REV1: variants seen among roughly 807,000 people sequenced by gnomAD.
REV1 encodes REV1 DNA directed polymerase.
REV1 carries 42 observed loss-of-function variants against 137.4 expected under a neutral mutation model. That is an observed-to-expected ratio of 0.31 (90% CI 0.24 to 0.40). The LOEUF is 0.40. Among genes scored for constraint, REV1 ranks in the 10% least tolerant of loss-of-function variants. The pLI, the probability that REV1 is intolerant of heterozygous loss-of-function variation, is 1.00. For missense variants in REV1, 1,282 were observed against 1,490.1 expected (o/e 0.86, Z 2.30); for synonymous variants, 524 against 519.2 (o/e 1.01, Z -0.12).
At chr2:99,424,472 T>C (rs1679081179) in intron 9 of REV1, 192 bp from the exon 10 acceptor site, 1 of 615,530 alleles carries the variant, frequency 1.6e-6, no homozygotes. Flanking sequence ...GTCTGAATAG[T>C]GTAAATGACA....
intron 1 of REV1, among the ~76,000 whole-genome samples, chr2:99,466,577 T>C (rs931008214): frequency 3.9e-5 from 6 of 152,212 alleles, no homozygotes; most frequent in African/African-American, 1.4e-4. Flanking sequence ...TTATTCTTAG[T>C]ATACTGCAGG....
rs747758051 is a variant in REV1 at position 99,404,521 on chromosome 2, A to G, written c.2968T>C (p.Leu990=). The change falls in exon 18 of 23, where the codon TTG becomes CTG. Residue 990 remains leucine (L), a synonymous_variant. Coordinates refer to ENST00000258428, the MANE Select transcript of REV1 (RefSeq NM_016316.4). ...TCTTGAGGTTCTGGTATTTGCAACA[A>G]GACTGTCCCAACTGGTTGTGGCAAA... ...GILPQPVGTV[L]LQIPEPQESN... 2.5e-6 allele frequency: 4 copies of G among 1,614,208 alleles called. No homozygotes were observed. Among genetic ancestry groups the G allele is most frequent in the Non-Finnish European group, 1.7e-6 (2 of 1,180,030 alleles).
In REV1 at chr2:99,403,801, T is replaced by C; in HGVS notation, c.3060A>G (p.Val1020=). 1.2e-6 allele frequency: 2 copies of C among 1,614,142 alleles called. No homozygotes were observed. The highest frequency in any genetic ancestry group is 1.7e-6 in the Non-Finnish European group (2 of 1,180,010). The change falls in exon 19 of 23, where the codon GTA becomes GTG. Residue 1020 remains valine (V), a synonymous_variant. Transcript: ENST00000258428. ...LPAFSQVDPE[V]FAALPAELQR... ...GAAGTTCAGCAGGAAGGGCAGCAAATACCTCAGGGTCCACCTAGTGGAAAA... is the reference window on the plus strand; with the variant it reads ...GAAGTTCAGCAGGAAGGGCAGCAAACACCTCAGGGTCCACCTAGTGGAAAA...
intron 6 of REV1, among the ~76,000 whole-genome samples, chr2:99,437,033 GTC>G (rs1306940067): frequency 6.9e-6 from 1 of 145,766 alleles, no homozygotes; most frequent in Non-Finnish European, 1.5e-5. Context: ...CTGCTGCCCA[GTC>G]TGGAGTGCAG....
intron 3 of REV1, among the ~76,000 whole-genome samples, chr2:99,454,550 C>CAAAAAAAA (rs373850478): frequency 7.3e-4 from 60 of 82,352 alleles, no homozygotes; most frequent in African/African-American, 1.6e-3. Context: ...AACTCCAGCT[C>CAAAAAAAA]AAAAAAAAAA....
Position 99,404,574 on chromosome 2 carries a change from T to G in REV1, c.2915A>C (p.Glu972Ala). ...QAESHGDKKK[E>A]PVNGCNTGIL... ...TCCTGTATTACAGCCATTTACTGGT[T>G]CTTTCTTTTTGTCGCCATGTGACTC... is the stretch of plus-strand genomic sequence containing the variant. The change falls in exon 18 of 23, where the codon GAA becomes GCA. Residue 972 changes from glutamate (E) to alanine (A), a missense_variant. Around this residue, in one of 7 missense-constraint regions of REV1, gnomAD observed 135 missense variants for 123.3 expected, o/e 1.10. Transcript: ENST00000258428. The G allele has an allele frequency of 7.4e-6, 12 of 1,614,130 alleles. No individual in the cohort carries two copies. Among genetic ancestry groups the G allele is most frequent in the Non-Finnish European group, 1.0e-5 (12 of 1,179,998 alleles).
chr2:99,420,142 A>ATGTC (rs1323422809), intron 11 of REV1, among the ~76,000 whole-genome samples: 3 of 152,230 alleles, frequency 2.0e-5, no homozygotes, highest in African/African-American at 7.2e-5. Flanking sequence ...AATGTTACCA[A>ATGTC]TGTCTGTGGG....
chr2:99,459,699 C>T (rs1392233855), intron 3 of REV1, among the ~76,000 whole-genome samples: 1 of 152,050 alleles, frequency 6.6e-6, no homozygotes, highest in Non-Finnish European at 1.5e-5. Flanking sequence ...GAGGGAGACC[C>T]TATCTCAAAA....
At chr2:99,415,704 G>A (rs770228092) in intron 12 of REV1, among the ~76,000 whole-genome samples, 39 of 152,346 alleles carry the variant, frequency 2.6e-4, no homozygotes, top group African/African-American at 8.7e-4. Flanking sequence ...CGTAGCTACT[G>A]TATTAGTGCA....
At chr2:99,453,950 C>G (rs1172643004) in intron 3 of REV1, among the ~76,000 whole-genome samples, 1 of 146,490 alleles carries the variant, frequency 6.8e-6, no homozygotes, top group South Asian at 2.2e-4. Flanking sequence ...CAGGGAAATT[C>G]TATCCTCCAA....
intron 9 of REV1, 194 bp from the exon 10 acceptor site, chr2:99,424,474 T>C: frequency 1.6e-6 from 1 of 609,032 alleles, no homozygotes; most frequent in Non-Finnish European, 2.8e-6. Context: ...CTGAATAGTG[T>C]AAATGACACA....
At position 99,452,391 on chromosome 2, in the gene REV1, C is replaced by T. The variant is rs529392997; in HGVS notation, c.182-2887G>A. 2.7e-5 allele frequency among the ~76,000 whole-genome samples: 4 copies of T among 148,926 alleles called. No individual in the cohort carries two copies. The South Asian group carries it at 8.4e-4, about 31-fold the overall frequency. On this transcript the variant is annotated intron_variant, in intron 3 of 22. Coordinates refer to ENST00000258428, the MANE Select transcript of REV1 (RefSeq NM_016316.4). ...TAAGCTGAGGTTGCACCACTGCACTCCAGCCTGGTTGACAGAGCCAGAGCC... is the reference window on the plus strand; with the variant it reads ...TAAGCTGAGGTTGCACCACTGCACTTCAGCCTGGTTGACAGAGCCAGAGCC...
intron 10 of REV1, 48 bp from the exon 11 acceptor site, chr2:99,421,701 T>G: frequency 1.9e-6 from 3 of 1,577,800 alleles, no homozygotes; most frequent in Non-Finnish European, 2.6e-6. Context: ...AGCCACCATC[T>G]GGTAGACCCA....
rs1028073005 is a variant in REV1, at chr2:99,400,719, A to G, written c.*522T>C. On this transcript the variant is annotated 3_prime_UTR_variant, in exon 23 of 23. Coordinates refer to ENST00000258428, the MANE Select transcript of REV1 (RefSeq NM_016316.4). Reference sequence around the variant, plus strand: ...GTAGATTTCTCCGCATGGAAGAAGTAGTAAAGATTTTCTTAACATGCTCCT... The same window carrying G: ...GTAGATTTCTCCGCATGGAAGAAGTGGTAAAGATTTTCTTAACATGCTCCT... 2 of 152,346 alleles carry G rather than the reference A, an allele frequency of 1.3e-5. No homozygotes were observed. Among genetic ancestry groups the G allele is most frequent in the African/African-American group, 4.8e-5 (2 of 41,454 alleles). 9.4% of individuals were successfully genotyped at this position (152,346 alleles called of 1,614,324 possible).
At chr2:99,442,679 A>G (rs570916361) in intron 4 of REV1, among the ~76,000 whole-genome samples, 1 of 152,258 alleles carries the variant, frequency 6.6e-6, no homozygotes, top group South Asian at 2.1e-4. Flanking sequence ...GAACTAGTCA[A>G]TATTTTAAAC....
chr2:99,458,530 T>C (rs1683785556), intron 3 of REV1, among the ~76,000 whole-genome samples: 1 of 152,218 alleles, frequency 6.6e-6, no homozygotes. Flanking sequence ...TGGCAGTTTC[T>C]TACAAAAACT....
chr2:99,411,605 C>A (rs961990691), intron 13 of REV1, among the ~76,000 whole-genome samples: 9 of 151,774 alleles, frequency 5.9e-5, no homozygotes, highest in African/African-American at 2.2e-4. Flanking sequence ...GACGGGGTTT[C>A]ACCATGTTGG....
chr2:99,489,666 CGGGCCG>C (rs1261676691), intron 1 of REV1, among the ~76,000 whole-genome samples, 145 bp downstream of exon 1: 2 of 149,306 alleles, frequency 1.3e-5, no homozygotes, highest in African/African-American at 2.4e-5. Context: ...AGGACGGCCG[CGGGCCG>C]GGGCCGGGGC....
chr2:99,403,180 T>C (rs1349192068), intron 19 of REV1, 74 bp from the exon 20 acceptor site: 2 of 1,238,538 alleles, frequency 1.6e-6, no homozygotes, highest in East Asian at 5.1e-5. Flanking sequence ...TTGGGTTCTC[T>C]TTTCTCCTCC....
Sources: gnomAD v4.1 joint callset for allele counts (sites outside exome capture counted in the v4.1 genomes callset) on GRCh38, gnomAD v4.1.1 for gene constraint, gnomAD v4.1.1 regional missense constraint, MANE v1.5 for transcripts, NCBI Gene and HGNC (gene_info 2026-07-23, HGNC 2026-07-21) for gene names.